The following SH3BGRL2 variants were observed in gnomAD, a reference collection of about 807,000 sequenced individuals.
SH3BGRL2 encodes the protein SH3 domain-binding glutamic acid-rich-like protein 2.
A neutral mutation model predicts 14.8 loss-of-function variants in SH3BGRL2; 21 were observed. That is an observed-to-expected ratio of 1.42 (90% CI 1.01 to 2.05). The LOEUF is 2.05. Among genes scored for constraint, SH3BGRL2 ranks in the 30% most tolerant of loss-of-function variants. The probability of loss-of-function intolerance (pLI) is 0.00; values close to 1 mark genes in which losing one functional copy is unlikely to be tolerated. For missense variants in SH3BGRL2, 147 were observed against 130.8 expected, an observed-to-expected ratio of 1.12 and a Z score of -0.61; for synonymous variants, 50 against 47.8, an observed-to-expected ratio of 1.05 and a Z score of -0.19.
the SH3BGRL2 span, among the ~76,000 whole-genome samples, chr6:79,567,398 G>A: frequency 0.51 from 77,379 of 152,014 alleles, 20,684 homozygotes; most frequent in Middle Eastern, 0.64. Flanking sequence ...GAATTTGCCA[G>A]TAATATTTCC....
the SH3BGRL2 span, among the ~76,000 whole-genome samples, chr6:79,595,179 G>A: frequency 4.5e-4 from 69 of 152,256 alleles, no homozygotes; most frequent in African/African-American, 1.5e-3. Flanking sequence ...CCAGCTACTC[G>A]GGAGGCTGAG....
chr6:79,608,350 C>G, the SH3BGRL2 span, among the ~76,000 whole-genome samples: 1 of 152,202 alleles, frequency 6.6e-6, no homozygotes, highest in African/African-American at 2.4e-5. Context: ...TCCCCAACAG[C>G]ACCTGGACCA....
the SH3BGRL2 span, among the ~76,000 whole-genome samples, chr6:79,546,438 G>A: frequency 3.3e-5 from 5 of 152,156 alleles, no homozygotes; most frequent in African/African-American, 7.2e-5. Flanking sequence ...ATTAAAAAGT[G>A]CATAACCAAC....
At chr6:79,642,341 C>T (rs994664307) in intron 1 of SH3BGRL2, among the ~76,000 whole-genome samples, 11 of 152,148 alleles carry the variant, frequency 7.2e-5, no homozygotes, top group African/African-American at 2.7e-4. Context: ...TATGCAAATA[C>T]TATACGACTT....
the SH3BGRL2 span, among the ~76,000 whole-genome samples, chr6:79,540,025 A>T: frequency 4.6e-5 from 7 of 152,326 alleles, no homozygotes; most frequent in East Asian, 9.6e-4. Flanking sequence ...TTTTAAATTT[A>T]TTAATAGATT....
chr6:79,668,761 A>G (rs1769713308), intron 1 of SH3BGRL2, among the ~76,000 whole-genome samples: 1 of 152,202 alleles, frequency 6.6e-6, no homozygotes, highest in Admixed American at 6.5e-5. Context: ...TGCACTTGCA[A>G]CTATTAAAAT....
the SH3BGRL2 span, among the ~76,000 whole-genome samples, chr6:79,591,159 G>A: frequency 6.6e-6 from 1 of 152,086 alleles, no homozygotes; most frequent in African/African-American, 2.4e-5. Flanking sequence ...TGATTCCCAC[G>A]ACAGCTTCAA....
chr6:79,600,416 A>T, the SH3BGRL2 span, among the ~76,000 whole-genome samples: 2 of 152,188 alleles, frequency 1.3e-5, no homozygotes, highest in Non-Finnish European at 2.9e-5. Flanking sequence ...AAGAAAGTGA[A>T]GATAAAGCAA....
chr6:79,659,005 T>C (rs1769483743), intron 1 of SH3BGRL2, among the ~76,000 whole-genome samples: 2 of 152,158 alleles, frequency 1.3e-5, no homozygotes, highest in Admixed American at 1.3e-4. Flanking sequence ...TTCTTGTAAA[T>C]TTGTTTAAGT....
the SH3BGRL2 span, among the ~76,000 whole-genome samples, chr6:79,595,807 G>A: frequency 6.6e-6 from 1 of 152,130 alleles, no homozygotes; most frequent in Non-Finnish European, 1.5e-5. Flanking sequence ...ACTTTGTACT[G>A]CATGTTCTAG....
the SH3BGRL2 span, among the ~76,000 whole-genome samples, chr6:79,621,523 C>T: frequency 6.6e-6 from 1 of 152,192 alleles, no homozygotes; most frequent in East Asian, 1.9e-4. Context: ...TAGAAATAAA[C>T]TCATGTTGTT....
chr6:79,645,464 C>CG (rs1186545616), intron 1 of SH3BGRL2, among the ~76,000 whole-genome samples: 2 of 152,162 alleles, frequency 1.3e-5, no homozygotes, highest in African/African-American at 4.8e-5. Context: ...TCCACTGGAA[C>CG]TGAGTAGTGA....
the SH3BGRL2 span, among the ~76,000 whole-genome samples, chr6:79,552,005 G>A: frequency 2.0e-5 from 3 of 152,110 alleles, no homozygotes; most frequent in Admixed American, 6.5e-5. Context: ...GCACAAAATC[G>A]CTTGAACCCA....
At chr6:79,549,426 T>TA in the SH3BGRL2 span, among the ~76,000 whole-genome samples, 1 of 152,202 alleles carries the variant, frequency 6.6e-6, no homozygotes, top group African/African-American at 2.4e-5. Context: ...TACTCACCAG[T>TA]GGTCCCATAA....
intron 3 of SH3BGRL2, among the ~76,000 whole-genome samples, chr6:79,697,871 A>T (rs992761646): frequency 6.6e-6 from 1 of 152,240 alleles, no homozygotes; most frequent in Non-Finnish European, 1.5e-5. Flanking sequence ...TGTCTATGCA[A>T]AAACCTTTTA....
intron 1 of SH3BGRL2, among the ~76,000 whole-genome samples, chr6:79,645,896 TC>T (rs1254423532): frequency 6.6e-6 from 1 of 152,188 alleles, no homozygotes; most frequent in East Asian, 1.9e-4. Context: ...CAGCCTCTAG[TC>T]ACTCTGTAAT....
intron 2 of SH3BGRL2, among the ~76,000 whole-genome samples, chr6:79,694,864 A>C (rs1357022786): frequency 6.6e-6 from 1 of 151,956 alleles, no homozygotes; most frequent in African/African-American, 2.4e-5. Context: ...GCAATTGCCA[A>C]AGTACTCCCC....
chr6:79,598,888 G>C, the SH3BGRL2 span, among the ~76,000 whole-genome samples: 1 of 152,026 alleles, frequency 6.6e-6, no homozygotes, highest in African/African-American at 2.4e-5. Flanking sequence ...TTCAAGACCA[G>C]CCTGACCAAC....
chr6:79,701,756 A>C lies in SH3BGRL2; in HGVS notation c.*2247A>C, dbSNP rs1388763473. Reference sequence around the variant, plus strand: ...CCAAGATGTTGCCCTCTGGGACCACACTTAGCTCAGAGAATATGGGGTCCT... The same window carrying C: ...CCAAGATGTTGCCCTCTGGGACCACCCTTAGCTCAGAGAATATGGGGTCCT... On this transcript the variant is annotated 3_prime_UTR_variant, in exon 4 of 4. Transcript: ENST00000369838. The C allele has an allele frequency of 6.6e-6, 1 of 152,068 alleles. No individual in the cohort carries two copies. Among genetic ancestry groups the C allele is most frequent in the African/African-American group, 2.4e-5 (1 of 41,382 alleles). The allele number at this position is 152,068 out of a possible 1,614,324, so 9.4% of individuals were successfully genotyped here.
Sources: gnomAD v4.1 joint callset for allele counts (sites outside exome capture counted in the v4.1 genomes callset) on GRCh38, gnomAD v4.1.1 for gene constraint, MANE v1.5 for transcripts, NCBI Gene and HGNC (gene_info 2026-07-23, HGNC 2026-07-21) for gene names.